Variants in RBP2 observed in about 807,000 individuals in gnomAD.
RBP2 encodes the protein retinol binding protein 2.
Under a neutral mutation model 17.0 loss-of-function variants are expected in RBP2, and 17 were observed. The observed-to-expected ratio is 1.00, with a 90% CI of 0.68 to 1.50. The LOEUF (loss-of-function observed/expected upper bound fraction) is 1.50. Among genes scored for constraint, RBP2 ranks in the 40% most tolerant of loss-of-function variants. The pLI is 0.00. For missense variants in RBP2, 158 were observed against 168.2 expected, an observed-to-expected ratio of 0.94 and a Z score of 0.33; for synonymous variants, 48 against 57.1, an observed-to-expected ratio of 0.84 and a Z score of 0.72.
intron 2 of RBP2, among the ~76,000 whole-genome samples, chr3:139,461,874 T>C (rs1933201572): frequency 6.6e-6 from 1 of 152,214 alleles, no homozygotes; most frequent in Admixed American, 6.5e-5. Flanking sequence ...TGGCTGTATA[T>C]GACTCATAGG....
At chr3:139,465,540 G>T (rs1369294193) in intron 1 of RBP2, among the ~76,000 whole-genome samples, 2 of 152,182 alleles carry the variant, frequency 1.3e-5, no homozygotes, top group Admixed American at 1.3e-4. Context: ...AGGATGATCT[G>T]TCTCAAGGGC....
chr3:139,453,040 G>T lies in RBP2; in HGVS notation c.*76C>A. 1 of 1,557,302 alleles carries T rather than the reference G, an allele frequency of 6.4e-7. No homozygotes were observed. Among genetic ancestry groups the T allele is most frequent in the Non-Finnish European group, 8.9e-7 (1 of 1,128,504 alleles). The stretch of plus-strand genomic sequence containing the variant: ...TGTCAAGAGTGGGAAGGTCCCCACA[G>T]CTGTTTCTCAAAGCCAGTAGACCAC... On this transcript the variant is annotated 3_prime_UTR_variant, in exon 4 of 4. Coordinates refer to ENST00000232217, the MANE Select transcript of RBP2 (RefSeq NM_004164.3).
chr3:139,462,013 T>TC, intron 2 of RBP2, 99 bp downstream of exon 2: 1 of 1,318,416 alleles, frequency 7.6e-7, no homozygotes, highest in Non-Finnish European at 1.1e-6. Flanking sequence ...TCCTGATTTT[T>TC]CCCAGGTTGT....
intron 2 of RBP2, among the ~76,000 whole-genome samples, chr3:139,457,766 A>G (rs893857172): frequency 6.6e-6 from 1 of 152,212 alleles, no homozygotes; most frequent in Non-Finnish European, 1.5e-5. Flanking sequence ...AAGTGAGGAA[A>G]GCCCTTCTTT....
rs1933389790 is a variant in RBP2 at position 139,467,007 on chromosome 3, T to C, written c.74-4717A>G. Among the ~76,000 whole-genome samples the C allele has an allele frequency of 2.0e-5, 3 of 152,160 alleles. No homozygotes were observed. The South Asian group carries it at 6.2e-4, about 32-fold the overall frequency. ...CTGCCTGCCAACAGTACTTAGCATT[T>C]CCCCCTGCATTTTTCATGGAGTTGG... On this transcript the variant is annotated intron_variant, in intron 1 of 3. Coordinates refer to ENST00000232217, the MANE Select transcript of RBP2 (RefSeq NM_004164.3).
intron 2 of RBP2, among the ~76,000 whole-genome samples, chr3:139,457,160 A>G (rs1933000106): frequency 6.6e-6 from 1 of 152,252 alleles, no homozygotes; most frequent in Non-Finnish European, 1.5e-5. Flanking sequence ...TCATTTCTGC[A>G]ACACCAGACT....
rs2107862726 is a variant in RBP2, at chr3:139,453,007, TG to T, written c.*108del. 3 of 1,271,308 alleles carry T rather than the reference TG, an allele frequency of 2.4e-6. No homozygotes were observed. Among genetic ancestry groups the T allele is most frequent in the African/African-American group, 1.5e-5 (1 of 68,494 alleles). 78.8% of individuals were successfully genotyped at this position (1,271,308 alleles called of 1,614,324 possible). A position where few individuals can be genotyped will look rare whatever the true frequency, so the allele number is the denominator to read the frequency against. On this transcript the variant is annotated 3_prime_UTR_variant, in exon 4 of 4. Transcript: ENST00000232217. Reference sequence around the variant, plus strand: ...TTTAAAACCCACCCAGATGCCTTAATGGGGCTCTGTCAAGAGTGGGAAGGTC... The same window carrying T: ...TTTAAAACCCACCCAGATGCCTTAATGGGCTCTGTCAAGAGTGGGAAGGTC...
chr3:139,462,427 A>T, intron 1 of RBP2, 137 bp from the exon 2 acceptor site: 1 of 927,374 alleles, frequency 1.1e-6, no homozygotes, highest in Non-Finnish European at 1.6e-6. Context: ...GGAAACAAGC[A>T]TCTTACTCGT....
rs60817256 is a variant in RBP2 at position 139,459,402 on chromosome 3, G to A, written c.252+2710C>T. On this transcript the variant is annotated intron_variant, in intron 2 of 3. Transcript: ENST00000232217. ...GAAACCCTGTTTCTACTATATATAT[G>A]TGTGTGTGTGTGTGTGTGTGTGTGT... 9.1e-3 allele frequency among the ~76,000 whole-genome samples: 696 copies of A among 76,110 alleles called. 7 individuals are homozygous for A. In the East Asian group the frequency reaches 0.14, roughly 15 times the overall value. 49.9% of individuals were successfully genotyped at this position (76,110 alleles called of 152,430 possible).
chr3:139,459,398 A>ATGTGTG (rs201355065), intron 2 of RBP2, among the ~76,000 whole-genome samples: 3 of 36,194 alleles, frequency 8.3e-5, no homozygotes, highest in African/African-American at 6.9e-5. Context: ...TCTACTATAT[A>ATGTGTG]TATGTGTGTG....
At chr3:139,454,433 C>T (rs1943360503) in intron 3 of RBP2, among the ~76,000 whole-genome samples, 1 of 152,170 alleles carries the variant, frequency 6.6e-6, no homozygotes, top group Admixed American at 6.5e-5. Flanking sequence ...GCTCACATTT[C>T]TCCCCAGCTG....
At chr3:139,474,375 T>C (rs1933659802) in intron 1 of RBP2, among the ~76,000 whole-genome samples, 1 of 152,132 alleles carries the variant, frequency 6.6e-6, no homozygotes. Flanking sequence ...TGCTTGCTTC[T>C]CACCTTAAGC....
At chr3:139,462,861 T>C (rs1039927914) in intron 1 of RBP2, among the ~76,000 whole-genome samples, 4 of 152,154 alleles carry the variant, frequency 2.6e-5, no homozygotes, top group African/African-American at 9.7e-5. Flanking sequence ...CGAGACAGGG[T>C]CTCACTCTGT....
At chr3:139,469,691 A>G (rs10935329) in intron 1 of RBP2, among the ~76,000 whole-genome samples, 10,255 of 70,572 alleles carry the variant, frequency 0.15, 421 homozygotes, top group Middle Eastern at 0.23. Flanking sequence ...CTGTCTGTCT[A>G]TCTATCTATC....
At chr3:139,458,427 C>T (rs543005118) in intron 2 of RBP2, among the ~76,000 whole-genome samples, 11 of 152,300 alleles carry the variant, frequency 7.2e-5, no homozygotes, top group African/African-American at 1.4e-4. Context: ...TTTCCCTGCC[C>T]TTACTGTCTG....
intron 2 of RBP2, among the ~76,000 whole-genome samples, chr3:139,460,185 T>C (rs1933140397): frequency 6.6e-6 from 1 of 152,202 alleles, no homozygotes; most frequent in East Asian, 1.9e-4. Context: ...AGCAGAGTGA[T>C]GCAAGAAATT....
chr3:139,465,451 G>A lies in RBP2; in HGVS notation c.74-3161C>T, dbSNP rs144523916. Among the ~76,000 whole-genome samples, 780 of 152,160 alleles carry A rather than the reference G, an allele frequency of 5.1e-3. 8 individuals are homozygous for A. The highest frequency in any genetic ancestry group is 5.2e-3 in the Non-Finnish European group (353 of 68,002). ...TATTTTATCCTCATTTTGCCACGGC[G>A]GAAAAACTGCCTCAGAGAAGTTGTG... On this transcript the variant is annotated intron_variant, in intron 1 of 3. Coordinates refer to ENST00000232217, the MANE Select transcript of RBP2 (RefSeq NM_004164.3).
intron 2 of RBP2, among the ~76,000 whole-genome samples, chr3:139,457,503 C>G (rs1933013593): frequency 6.6e-6 from 1 of 152,186 alleles, no homozygotes. Context: ...TTTAATAACT[C>G]ATACTGGACA....
intron 1 of RBP2, among the ~76,000 whole-genome samples, chr3:139,472,260 A>T (rs530336773): frequency 2.2e-4 from 33 of 152,224 alleles, no homozygotes; most frequent in Non-Finnish European, 1.5e-4. Flanking sequence ...AGCCCAAGGC[A>T]TAGAATCTCA....
Sources: gnomAD v4.1 joint callset for allele counts (sites outside exome capture counted in the v4.1 genomes callset) on GRCh38, gnomAD v4.1.1 for gene constraint, MANE v1.5 for transcripts, NCBI Gene and HGNC (gene_info 2026-07-23, HGNC 2026-07-21) for gene names.